The following CSMD1 variants were observed in gnomAD, a reference collection of about 807,000 sequenced individuals.
CSMD1 encodes the protein CUB and Sushi multiple domains 1, also known as CUB and sushi domain-containing protein 1.
Under a neutral mutation model 417.5 loss-of-function variants are expected in CSMD1, and 213 were observed. That is an observed-to-expected ratio of 0.51 (90% CI 0.46 to 0.57). The LOEUF is 0.57. CSMD1 is among the 20% of genes least tolerant of loss of function. The probability of loss-of-function intolerance (pLI) is 0.00; values close to 1 mark genes in which losing one functional copy is unlikely to be tolerated. For missense variants in CSMD1, 6,923 were observed against 4,529.7 expected, an observed-to-expected ratio of 1.53 and a Z score of -15.17; for synonymous variants, 2,862 against 1,736.8, an observed-to-expected ratio of 1.65 and a Z score of -16.11.
At chr8:4,163,271 C>T (rs4407899) in intron 3 of CSMD1, among the ~76,000 whole-genome samples, 58,960 of 151,912 alleles carry the variant, frequency 0.39, 11,676 homozygotes, top group Middle Eastern at 0.5. Flanking sequence ...TCCTGGACTG[C>T]ATGTTGAGAG....
chr8:4,757,996 G>A (rs749209039), intron 1 of CSMD1, among the ~76,000 whole-genome samples: 1 of 146,508 alleles, frequency 6.8e-6, no homozygotes, highest in African/African-American at 2.5e-5. Flanking sequence ...AGAGAAGAAA[G>A]CACCACATTA....
At chr8:4,528,548 A>G (rs4557723) in intron 2 of CSMD1, among the ~76,000 whole-genome samples, 51,883 of 152,022 alleles carry the variant, frequency 0.34, 9,171 homozygotes, top group Admixed American at 0.43. Flanking sequence ...TACATTTGCT[A>G]AAAGGGTAGA....
rs192725291 is a variant in CSMD1 at position 4,069,886 on chromosome 8, G to T, written c.416-37787C>A. ...CGGTACTGCAACAGTAAGGTGTTTT[G>T]TTTTGTTTTGTTTTGTTTTTGTTTT... On this transcript the variant is annotated intron_variant, in intron 3 of 69. Transcript: ENST00000635120. Among the ~76,000 whole-genome samples the T allele has an allele frequency of 7.8e-3, 1,186 of 152,026 alleles. 19 individuals carry two copies. The highest frequency in any genetic ancestry group is 0.027 in the African/African-American group (1,129 of 41,488).
chr8:4,609,178 C>A (rs946601933), intron 2 of CSMD1, among the ~76,000 whole-genome samples: 1 of 152,118 alleles, frequency 6.6e-6, no homozygotes, highest in Admixed American at 6.5e-5. Context: ...GGTGGGCAGA[C>A]TGCTTCAACT....
At chr8:4,492,783 C>T (rs1039506088) in intron 2 of CSMD1, among the ~76,000 whole-genome samples, 3 of 152,228 alleles carry the variant, frequency 2.0e-5, no homozygotes, top group Admixed American at 6.5e-5. Flanking sequence ...TCTTTCCATA[C>T]AGTTCTTGAT....
chr8:4,286,529 A>G (rs937606087), intron 3 of CSMD1, among the ~76,000 whole-genome samples: 4 of 152,046 alleles, frequency 2.6e-5, no homozygotes, highest in Admixed American at 6.6e-5. Flanking sequence ...CTGAGATAAT[A>G]TGGTCTCATC....
chr8:4,139,602 G>C (rs73176396), intron 3 of CSMD1, among the ~76,000 whole-genome samples: 45,415 of 151,032 alleles, frequency 0.3, 8,501 homozygotes, highest in Non-Finnish European at 0.39. Flanking sequence ...GCATCAAGGG[G>C]ACAAGGAGCA....
intron 1 of CSMD1, among the ~76,000 whole-genome samples, chr8:4,727,999 TTTATATACAAA>T (rs1809580958): frequency 1.4e-5 from 2 of 146,558 alleles, no homozygotes; most frequent in Non-Finnish European, 3.0e-5. Context: ...AAAATATATA[TTTATATACAAA>T]ATATATATAT....
chr8:4,632,834 T>G (rs1220133621), intron 2 of CSMD1, among the ~76,000 whole-genome samples: 2 of 152,158 alleles, frequency 1.3e-5, no homozygotes, highest in Non-Finnish European at 2.9e-5. Flanking sequence ...AGACGCATAC[T>G]ATTCAGACCG....
rs1251949965 is a variant in CSMD1, at chr8:3,919,206, A to C, written c.818+78697T>G. Among the ~76,000 whole-genome samples the C allele has an allele frequency of 8.1e-5, 12 of 148,752 alleles. No homozygotes were observed. In the South Asian group the frequency reaches 2.5e-3, roughly 31 times the overall value. On this transcript the variant is annotated intron_variant, in intron 5 of 69. Transcript: ENST00000635120. ...ATCCAAAAAAAAAAAAAAAAAAAAAAAAAAGAAAGAAATCATTGTCAAGAT... is the reference window on the plus strand; with the variant it reads ...ATCCAAAAAAAAAAAAAAAAAAAAACAAAAGAAAGAAATCATTGTCAAGAT...
intron 12 of CSMD1, among the ~76,000 whole-genome samples, chr8:3,456,293 TG>T (rs747145668): frequency 3.7e-5 from 3 of 80,510 alleles, no homozygotes; most frequent in Non-Finnish European, 7.7e-5. Flanking sequence ...CTTCAGCTCA[TG>T]CTTTGTGTGC....
At chr8:4,051,844 CTTT>C (rs1411111013) in intron 3 of CSMD1, among the ~76,000 whole-genome samples, 1 of 101,312 alleles carries the variant, frequency 9.9e-6, no homozygotes, top group Middle Eastern at 5.7e-3. Context: ...TCTTTTCTTT[CTTT>C]TCTTTTCTCT....
At chr8:4,723,782 G>C (rs1236847586) in intron 1 of CSMD1, among the ~76,000 whole-genome samples, 1 of 64,428 alleles carries the variant, frequency 1.6e-5, no homozygotes, top group Admixed American at 2.3e-4. Context: ...ATATGCTTTC[G>C]AATGTAAAAA....
At chr8:4,793,593 C>T (rs1797810917) in intron 1 of CSMD1, among the ~76,000 whole-genome samples, 1 of 151,840 alleles carries the variant, frequency 6.6e-6, no homozygotes. Context: ...TAGTTTGAGG[C>T]ATTGCTCACT....
chr8:4,241,408 C>A (rs1378081044), intron 3 of CSMD1, among the ~76,000 whole-genome samples: 1 of 152,186 alleles, frequency 6.6e-6, no homozygotes, highest in African/African-American at 2.4e-5. Context: ...CTTGCTAACC[C>A]CATGTTAAAC....
intron 31 of CSMD1, 34 bp downstream of exon 31, chr8:3,205,470 T>A: frequency 9.5e-7 from 1 of 1,048,008 alleles, no homozygotes; most frequent in African/African-American, 1.6e-5. Flanking sequence ...AAAGGAAATA[T>A]GACAATGAAT....
At chr8:3,115,172 A>G (rs918720072) in intron 42 of CSMD1, among the ~76,000 whole-genome samples, 54 of 151,122 alleles carry the variant, frequency 3.6e-4, no homozygotes, top group Non-Finnish European at 1.2e-4. Context: ...AATTCTACTT[A>G]ATCATATTTT....
intron 3 of CSMD1, among the ~76,000 whole-genome samples, chr8:4,389,860 T>C (rs1235061896): frequency 1.3e-5 from 2 of 152,180 alleles, no homozygotes; most frequent in Non-Finnish European, 2.9e-5. Context: ...ACAAACTTTA[T>C]ATATCTCCCG....
intron 3 of CSMD1, among the ~76,000 whole-genome samples, chr8:4,268,395 G>T (rs1342863290): frequency 6.6e-6 from 1 of 152,154 alleles, no homozygotes; most frequent in African/African-American, 2.4e-5. Context: ...CTCTCAAGAG[G>T]AAGTAATTAT....
Sources: allele counts gnomAD v4.1 joint callset (sites outside exome capture counted in the v4.1 genomes callset), GRCh38; gene constraint gnomAD v4.1.1; transcripts MANE v1.5; gene names NCBI Gene and HGNC (gene_info 2026-07-23, HGNC 2026-07-21).